The following GAREM1 variants were observed in gnomAD, a reference collection of about 807,000 sequenced individuals.
GAREM1 encodes GRB2 associated regulator of MAPK1 subtype 1, also known as GRB2-associated and regulator of MAPK protein 1.
In GAREM1, 26 loss-of-function variants were observed where a neutral mutation model predicts 71.3. The ratio of observed to expected loss-of-function variants is 0.36; its 90% CI spans 0.27 to 0.51. The LOEUF (loss-of-function observed/expected upper bound fraction) is 0.51. Ranked by LOEUF, GAREM1 falls within the 20% of genes least tolerant of loss-of-function variation. The pLI is 0.95. For missense variants in GAREM1, 1,026 were observed against 1,103.1 expected (o/e 0.93, Z 0.99); for synonymous variants, 440 against 433.2 (o/e 1.02, Z -0.20).
At chr18:32,401,183 G>C (rs962366339) in intron 1 of GAREM1, among the ~76,000 whole-genome samples, 9 of 152,198 alleles carry the variant, frequency 5.9e-5, no homozygotes, top group African/African-American at 1.4e-4. Flanking sequence ...CGTGGGGTTG[G>C]GGGGAGAGGG....
chr18:32,330,522 A>T (rs955465873), intron 2 of GAREM1, among the ~76,000 whole-genome samples: 2 of 152,184 alleles, frequency 1.3e-5, no homozygotes, highest in African/African-American at 2.4e-5. Flanking sequence ...TGAAATGATT[A>T]AAAAAAGAAT....
chr18:32,402,194 A>G (rs2048321646), intron 1 of GAREM1, among the ~76,000 whole-genome samples: 1 of 152,186 alleles, frequency 6.6e-6, no homozygotes, highest in Non-Finnish European at 1.5e-5. Flanking sequence ...TAACTCAACA[A>G]TGTAGTAATG....
At chr18:32,379,404 C>T (rs2048070656) in intron 2 of GAREM1, among the ~76,000 whole-genome samples, 1 of 131,896 alleles carries the variant, frequency 7.6e-6, no homozygotes. Context: ...CTTAAAAATG[C>T]TGGGAAGGGG....
intron 1 of GAREM1, among the ~76,000 whole-genome samples, chr18:32,441,202 C>T (rs1221778576): frequency 6.6e-6 from 1 of 152,122 alleles, no homozygotes; most frequent in Non-Finnish European, 1.5e-5. Flanking sequence ...TCAGATAATA[C>T]ACATTTAAAG....
intron 1 of GAREM1, among the ~76,000 whole-genome samples, chr18:32,458,708 T>C (rs2048921579): frequency 6.6e-6 from 1 of 151,838 alleles, no homozygotes; most frequent in Non-Finnish European, 1.5e-5. Context: ...CAAAATATGA[T>C]ATTATTGGAG....
At chr18:32,379,310 T>C (rs1374897676) in intron 2 of GAREM1, among the ~76,000 whole-genome samples, 1 of 151,970 alleles carries the variant, frequency 6.6e-6, no homozygotes, top group Admixed American at 6.6e-5. Flanking sequence ...AGTTAATATC[T>C]GAATAGATCC....
At chr18:32,393,782 A>G (rs2048225760) in intron 1 of GAREM1, among the ~76,000 whole-genome samples, 1 of 152,230 alleles carries the variant, frequency 6.6e-6, no homozygotes, top group Non-Finnish European at 1.5e-5. Context: ...AAACTATTTC[A>G]AAAGAGAAAT....
intron 1 of GAREM1, among the ~76,000 whole-genome samples, chr18:32,446,056 G>A (rs1288677965): frequency 6.6e-6 from 1 of 152,142 alleles, no homozygotes; most frequent in African/African-American, 2.4e-5. Flanking sequence ...TCAGATAACA[G>A]ATGGGGACAT....
chr18:32,470,665 G>A lies in GAREM1; in HGVS notation c.-237C>T, dbSNP rs531742034. Among the ~76,000 whole-genome samples, 134 of 149,464 alleles carry A rather than the reference G, an allele frequency of 9.0e-4. No individual in the cohort carries two copies. The highest frequency in any genetic ancestry group is 3.1e-3 in the African/African-American group (129 of 41,190). On this transcript the variant is annotated 5_prime_UTR_variant, in exon 1 of 6. Transcript: ENST00000269209. This position sits in a 1 kb window ranked among gnomAD's most constrained non-coding sequence, Gnocchi z 4.4. ...GGGCGCCCCGCGTGCCCTCACGCCC[G>A]GAGAAGACTCAGAGCAGCCGCGCGG...
chr18:32,467,468 C>G (rs1231646563), intron 1 of GAREM1, among the ~76,000 whole-genome samples: 3 of 152,226 alleles, frequency 2.0e-5, no homozygotes, highest in Middle Eastern at 3.4e-3. Flanking sequence ...TTACTAGGTA[C>G]GAGTCTTCAG....
At chr18:32,349,514 C>T (rs1567974499) in intron 2 of GAREM1, among the ~76,000 whole-genome samples, 1 of 152,138 alleles carries the variant, frequency 6.6e-6, no homozygotes, top group Admixed American at 6.6e-5. Context: ...TAAGTTCCAT[C>T]TCCTACACAG....
At chr18:32,274,183 T>C (rs1442705532) in intron 4 of GAREM1, among the ~76,000 whole-genome samples, 1 of 152,306 alleles carries the variant, frequency 6.6e-6, no homozygotes, top group Admixed American at 6.5e-5. Flanking sequence ...TTACATGCTA[T>C]GGTGGGCTGT....
chr18:32,361,032 T>C (rs1251878284), intron 2 of GAREM1, among the ~76,000 whole-genome samples: 1 of 152,196 alleles, frequency 6.6e-6, no homozygotes, highest in Non-Finnish European at 1.5e-5. Context: ...TCAAAAATGA[T>C]AGACTTGATT....
At position 32,280,381 on chromosome 18, in the gene GAREM1, G is replaced by C. The variant is rs184101897; in HGVS notation, c.1566+6650C>G. ...GTAATGAGATCTGGCAGCACCAGGAGCTGGCCTGGCCAAGCCCGAGGAAGG... is the reference window on the plus strand; with the variant it reads ...GTAATGAGATCTGGCAGCACCAGGACCTGGCCTGGCCAAGCCCGAGGAAGG... On this transcript the variant is annotated intron_variant, in intron 4 of 5. Transcript: ENST00000269209. Among the ~76,000 whole-genome samples the C allele has an allele frequency of 3.4e-4, 52 of 152,302 alleles. No individual in the cohort carries two copies. The East Asian group carries it at 9.5e-3, about 28-fold the overall frequency.
At chr18:32,404,394 AACAG>A (rs1315577375) in intron 1 of GAREM1, among the ~76,000 whole-genome samples, 1 of 152,176 alleles carries the variant, frequency 6.6e-6, no homozygotes, top group African/African-American at 2.4e-5. Context: ...CAGAGAACAA[AACAG>A]ACACACGCTC....
intron 1 of GAREM1, among the ~76,000 whole-genome samples, chr18:32,436,715 A>C (rs2048682825): frequency 6.6e-6 from 1 of 152,126 alleles, no homozygotes; most frequent in Admixed American, 6.6e-5. Flanking sequence ...TTTAAGAAAA[A>C]CCCATTATTC....
chr18:32,305,990 G>A (rs1369603167), intron 3 of GAREM1, among the ~76,000 whole-genome samples: 2 of 152,340 alleles, frequency 1.3e-5, no homozygotes, highest in African/African-American at 2.4e-5. Context: ...ATGGCTGGAA[G>A]AAAGGGTAGT....
chr18:32,287,476 T>C lies in GAREM1; in HGVS notation c.1121A>G (p.Tyr374Cys). 1.9e-6 allele frequency: 3 copies of C among 1,614,126 alleles called. No individual in the cohort carries two copies. Among genetic ancestry groups the C allele is most frequent in the Non-Finnish European group, 2.5e-6 (3 of 1,179,994 alleles). ...GGACTGGGTGAGCTCATCGCGGGCG[T>C]AGCTGAGCGAATTGGGCACGTGGTT... ...GHNHVPNSLS[Y>C]ARDELTQSFH... Residue 374 changes from tyrosine to cysteine, a missense_variant, in exon 4 of 6, where the codon TAC becomes TGC. Coordinates refer to ENST00000269209, the MANE Select transcript of GAREM1 (RefSeq NM_001242409.2). This position sits in a 1 kb window ranked among gnomAD's most constrained non-coding sequence, Gnocchi z 5.9.
intron 1 of GAREM1, among the ~76,000 whole-genome samples, chr18:32,446,544 A>G (rs2048787974): frequency 6.6e-6 from 1 of 152,204 alleles, no homozygotes; most frequent in African/African-American, 2.4e-5. Flanking sequence ...ACAAATTCAG[A>G]AAAGTTTATT....
Sources: gnomAD v4.1 joint callset for allele counts (sites outside exome capture counted in the v4.1 genomes callset) on GRCh38, gnomAD v4.1.1 for gene constraint, Gnocchi (gnomAD v3.1) non-coding constraint, MANE v1.5 for transcripts, NCBI Gene and HGNC (gene_info 2026-07-23, HGNC 2026-07-21) for gene names.